Variants in ABLIM2 observed in about 807,000 individuals in gnomAD.
ABLIM2 encodes the protein actin-binding LIM protein 2.
In ABLIM2, 53 loss-of-function variants were observed where a neutral mutation model predicts 97.7. The ratio of observed to expected loss-of-function variants is 0.54; its 90% CI spans 0.44 to 0.68. The LOEUF (loss-of-function observed/expected upper bound fraction) is 0.68. Among genes scored for constraint, ABLIM2 ranks in the 30% least tolerant of loss-of-function variants. ABLIM2 has a pLI of 0.00. For missense variants in ABLIM2, 835 were observed against 867.2 expected (o/e 0.96, Z 0.47); for synonymous variants, 361 against 345.8 (o/e 1.04, Z -0.49).
At chr4:8,009,214 A>C in intron 14 of ABLIM2, 112 bp from the exon 15 acceptor site, 2 of 1,344,198 alleles carry the variant, frequency 1.5e-6, no homozygotes, top group Non-Finnish European at 1.1e-6. Flanking sequence ...ATCAAAGAGA[A>C]GGTCAGTAGT....
In ABLIM2 at chr4:8,037,065, T is replaced by C. The variant is rs188061382; in HGVS notation, c.901-770A>G. Among the ~76,000 whole-genome samples, 11 of 152,338 alleles carry C rather than the reference T, an allele frequency of 7.2e-5. 1 individual carries two copies. Among genetic ancestry groups the C allele is most frequent in the Admixed American group, 7.2e-4 (11 of 15,304 alleles). ...TTTGTAATGCCTAACACAATGCAAA[T>C]GTTGGGTAAATCGATGTTATACTGT... On this transcript the variant is annotated intron_variant, in intron 9 of 20. Transcript: ENST00000447017.
chr4:8,001,446 G>A lies in ABLIM2; in HGVS notation c.1618+6613C>T, dbSNP rs1757135498. ...AACCCAACGGCAGCGGCTGCTCCCTGGGGCTCCAGAGCCCAGCATGCTCTG... is the reference window on the plus strand; with the variant it reads ...AACCCAACGGCAGCGGCTGCTCCCTAGGGCTCCAGAGCCCAGCATGCTCTG... On this transcript the variant is annotated intron_variant, in intron 16 of 20. Transcript: ENST00000447017. The surrounding 1 kb of genome is among the most constrained non-coding windows in gnomAD (Gnocchi z 4.2). Among the ~76,000 whole-genome samples the A allele has an allele frequency of 6.6e-6, 1 of 152,146 alleles. No homozygotes were observed. The highest frequency in any genetic ancestry group is 2.4e-5 in the African/African-American group (1 of 41,436).
intron 20 of ABLIM2, among the ~76,000 whole-genome samples, chr4:7,981,912 C>A (rs1210019664): frequency 2.0e-5 from 3 of 152,136 alleles, no homozygotes; most frequent in Admixed American, 2.0e-4. Context: ...TATCTGGGGA[C>A]ACAGCCTGTA....
At position 7,965,340 on chromosome 4, in the gene ABLIM2, T is replaced by C. The variant is rs933155035; in HGVS notation, c.*1650A>G. The C allele has an allele frequency of 6.5e-6, 1 of 152,676 alleles. No homozygotes were observed. The highest frequency in any genetic ancestry group is 2.4e-5 in the African/African-American group (1 of 41,462). 9.5% of individuals were successfully genotyped at this position (152,676 alleles called of 1,614,324 possible). A position where few individuals can be genotyped will look rare whatever the true frequency, so the allele number is the denominator to read the frequency against. Reference sequence around the variant, plus strand: ...TACTTCCGCAAGTTATAATGCATCGTCTTTTATTTTCCAGGCTTCCTGGGA... The same window carrying C: ...TACTTCCGCAAGTTATAATGCATCGCCTTTTATTTTCCAGGCTTCCTGGGA... On this transcript the variant is annotated 3_prime_UTR_variant, in exon 21 of 21. Coordinates refer to ENST00000447017, the MANE Select transcript of ABLIM2 (RefSeq NM_001130083.2).
chr4:8,003,368 G>A lies in ABLIM2; in HGVS notation c.1618+4691C>T, dbSNP rs374054933. 1.3e-5 allele frequency among the ~76,000 whole-genome samples: 2 copies of A among 152,162 alleles called. No individual in the cohort carries two copies. Among genetic ancestry groups the A allele is most frequent in the African/African-American group, 4.8e-5 (2 of 41,434 alleles). On this transcript the variant is annotated intron_variant, in intron 16 of 20. Transcript: ENST00000447017. This position sits in a 1 kb window ranked among gnomAD's most constrained non-coding sequence, Gnocchi z 4.2. ...TCATTCGCTGAATGCTGTACTGAGA[G>A]TGAGAAACAGAATGGGTGTGTGGAT...
chr4:7,969,575 C>A (rs1171021713), intron 20 of ABLIM2, among the ~76,000 whole-genome samples: 1 of 152,184 alleles, frequency 6.6e-6, no homozygotes, highest in Non-Finnish European at 1.5e-5. Context: ...GCCACTCACG[C>A]ATTTCACAAG....
chr4:8,145,152 G>T (rs1013935687), intron 1 of ABLIM2, among the ~76,000 whole-genome samples: 1 of 151,812 alleles, frequency 6.6e-6, no homozygotes, highest in South Asian at 2.1e-4. Flanking sequence ...CCTGTGCCCA[G>T]TGTTGCTAGG....
At position 7,999,753 on chromosome 4, in the gene ABLIM2, C is replaced by T. The variant is rs1755800265; in HGVS notation, c.1619-6826G>A. 6.6e-6 allele frequency among the ~76,000 whole-genome samples: 1 copy of T among 152,216 alleles called. No individual in the cohort carries two copies. The highest frequency in any genetic ancestry group is 1.5e-5 in the Non-Finnish European group (1 of 68,044). On this transcript the variant is annotated intron_variant, in intron 16 of 20. Coordinates refer to ENST00000447017, the MANE Select transcript of ABLIM2 (RefSeq NM_001130083.2). The surrounding 1 kb of genome is among the most constrained non-coding windows in gnomAD (Gnocchi z 4.4). Reference sequence around the variant, plus strand: ...GTCCTGATGCCAGTTACATGAGGCTCTGCAGGCACCAGAGGCCTACCCACT... The same window carrying T: ...GTCCTGATGCCAGTTACATGAGGCTTTGCAGGCACCAGAGGCCTACCCACT...
intron 1 of ABLIM2, among the ~76,000 whole-genome samples, chr4:8,115,769 G>A (rs779254084): frequency 6.6e-6 from 1 of 152,216 alleles, no homozygotes; most frequent in Non-Finnish European, 1.5e-5. Flanking sequence ...CCTTGAACCT[G>A]GGTGGACCTC....
In ABLIM2 at chr4:8,062,190, C is replaced by T. The variant is rs535708227; in HGVS notation, c.676-1136G>A. Among the ~76,000 whole-genome samples the T allele has an allele frequency of 9.2e-5, 14 of 152,314 alleles. No individual in the cohort carries two copies. The South Asian group carries it at 1.9e-3, about 20-fold the overall frequency. ...CTCCACTCGGGAGCTTTCTCTGAAC[C>T]CTTCCCCAATCTGGGCATTCACAGC... On this transcript the variant is annotated intron_variant, in intron 6 of 20. Transcript: ENST00000447017.
Position 8,097,295 on chromosome 4 carries a change from G to A in ABLIM2, c.155-13C>T, listed in dbSNP as rs745334689. The A allele has an allele frequency of 7.1e-6, 11 of 1,553,968 alleles. No individual in the cohort carries two copies. The East Asian group carries it at 1.7e-4, about 24-fold the overall frequency. On this transcript the variant is annotated splice_polypyrimidine_tract_variant and intron_variant, in intron 2 of 20. Transcript: ENST00000447017. ...TCGCAGCCACATGCTGGGGGAGGAC[G>A]GGCGAGGTGGCGTTAGCGGCAGAGG...
intron 5 of ABLIM2, among the ~76,000 whole-genome samples, chr4:8,078,400 C>G (rs1435799969): frequency 6.6e-6 from 1 of 152,212 alleles, no homozygotes; most frequent in Non-Finnish European, 1.5e-5. Context: ...GAATTGGTGT[C>G]GAATGCCCAT....
chr4:8,098,662 C>G (rs901931104), intron 2 of ABLIM2, among the ~76,000 whole-genome samples: 2 of 152,182 alleles, frequency 1.3e-5, no homozygotes, highest in Non-Finnish European at 2.9e-5. Context: ...ATTCGAATCC[C>G]AGCTCTACCC....
chr4:8,081,897 G>A (rs557131888), intron 4 of ABLIM2, among the ~76,000 whole-genome samples: 1 of 152,176 alleles, frequency 6.6e-6, no homozygotes, highest in Admixed American at 6.5e-5. Flanking sequence ...CTCACTCCAG[G>A]GACCTGCACC....
chr4:8,014,618 G>A lies in ABLIM2; in HGVS notation c.1423+5000C>T, dbSNP rs140037149. Among the ~76,000 whole-genome samples, 106 of 152,348 alleles carry A rather than the reference G, an allele frequency of 7.0e-4. 1 individual carries two copies. The East Asian group carries it at 0.011, about 16-fold the overall frequency. On this transcript the variant is annotated intron_variant, in intron 14 of 20. Transcript: ENST00000447017. ...GCTAGAATCTCAGCTCCACAGGATC[G>A]GGGGAATGCAGGGTCACCCATGTAT...
intron 3 of ABLIM2, among the ~76,000 whole-genome samples, chr4:8,090,019 T>A (rs182034328): frequency 3.7e-4 from 56 of 152,304 alleles, no homozygotes; most frequent in African/African-American, 1.3e-3. Context: ...TGGCATCCAG[T>A]ACCCTCGGTC....
Position 8,136,596 on chromosome 4 carries a change from G to C in ABLIM2, c.10+22084C>G, listed in dbSNP as rs35387287. On this transcript the variant is annotated intron_variant, in intron 1 of 20. Transcript: ENST00000447017. The stretch of plus-strand genomic sequence containing the variant: ...CACGTGGCTGACTTTGTTTGTCAGT[G>C]GCCTGTTGCCCACCTGAGTACCCGG... Among the ~76,000 whole-genome samples, 1,194 of 152,344 alleles carry C rather than the reference G, an allele frequency of 7.8e-3. 17 individuals carry two copies. The highest frequency in any genetic ancestry group is 0.027 in the Middle Eastern group (8 of 294).
chr4:7,974,030 C>T (rs1259415806), intron 20 of ABLIM2, among the ~76,000 whole-genome samples: 1 of 152,172 alleles, frequency 6.6e-6, no homozygotes, highest in African/African-American at 2.4e-5. Context: ...GAGAAGAAAC[C>T]CAGCCTGGAA....
intron 1 of ABLIM2, among the ~76,000 whole-genome samples, chr4:8,110,285 G>A (rs74813136): frequency 0.12 from 18,103 of 152,266 alleles, 1,386 homozygotes; most frequent in South Asian, 0.31. Context: ...AGAGGTTCAC[G>A]CTGCTGGAAT....
Sources: allele counts gnomAD v4.1 joint callset (sites outside exome capture counted in the v4.1 genomes callset), GRCh38; gene constraint gnomAD v4.1.1; non-coding constraint Gnocchi (gnomAD v3.1); transcripts MANE v1.5; gene names NCBI Gene and HGNC (gene_info 2026-07-23, HGNC 2026-07-21).